Variants in MACROD1 observed in about 807,000 individuals in gnomAD.
The protein encoded by MACROD1 is mono-ADP ribosylhydrolase 1.
Under a neutral mutation model 41.4 loss-of-function variants are expected in MACROD1, and 31 were observed. The ratio of observed to expected loss-of-function variants is 0.75; its 90% CI spans 0.56 to 1.01. The LOEUF is 1.01. Ranked by LOEUF, MACROD1 falls within the 50% of genes least tolerant of loss-of-function variation. The probability of loss-of-function intolerance (pLI) is 0.00; values close to 1 mark genes in which losing one functional copy is unlikely to be tolerated. For missense variants in MACROD1, 473 were observed against 460.0 expected, an observed-to-expected ratio of 1.03 and a Z score of -0.26; for synonymous variants, 252 against 203.4, an observed-to-expected ratio of 1.24 and a Z score of -2.03.
chr11:64,149,496 T>G (rs2622414), intron 3 of MACROD1, among the ~76,000 whole-genome samples: 2 of 152,164 alleles, frequency 1.3e-5, no homozygotes, highest in Non-Finnish European at 2.9e-5. Flanking sequence ...TAGGAAGCAG[T>G]GTTAATCACG....
intron 4 of MACROD1, among the ~76,000 whole-genome samples, chr11:64,013,297 C>T (rs1009717079): frequency 6.6e-6 from 1 of 151,884 alleles, no homozygotes; most frequent in Admixed American, 6.6e-5. Context: ...CAGCATGGGG[C>T]AGGGGAGGCA....
Position 64,090,527 on chromosome 11 carries a change from G to A in MACROD1, c.517+60712C>T, listed in dbSNP as rs527786345. Among the ~76,000 whole-genome samples the A allele has an allele frequency of 5.9e-5, 9 of 152,232 alleles. No homozygotes were observed. The highest frequency in any genetic ancestry group is 1.4e-4 in the African/African-American group (6 of 41,532). ...CATTTGCTTCCCCGGGCCCTCCCTC[G>A]ACCGGCTCTGCCTGCTCACAGGTGG... is the stretch of plus-strand genomic sequence containing the variant. On this transcript the variant is annotated intron_variant, in intron 3 of 10. Coordinates refer to ENST00000255681, the MANE Select transcript of MACROD1 (RefSeq NM_014067.4). This position sits in a 1 kb window ranked among gnomAD's most constrained non-coding sequence, Gnocchi z 4.7.
chr11:64,044,616 G>A (rs1943550087), intron 3 of MACROD1, among the ~76,000 whole-genome samples: 1 of 152,164 alleles, frequency 6.6e-6, no homozygotes, highest in Non-Finnish European at 1.5e-5. Flanking sequence ...GAGTGGCAAA[G>A]TCACTTGCCC....
chr11:64,001,120 C>T, intron 4 of MACROD1: 2 of 381,232 alleles, frequency 5.2e-6, no homozygotes, highest in Admixed American at 4.3e-5. Flanking sequence ...GATAAACAAC[C>T]GGGGCGCAGC....
chr11:64,145,468 A>C (rs940998317), intron 3 of MACROD1, among the ~76,000 whole-genome samples: 7 of 152,118 alleles, frequency 4.6e-5, no homozygotes, highest in African/African-American at 1.7e-4. Context: ...CCCTGGGCCC[A>C]GGGCTGGACA....
chr11:64,142,669 C>T (rs1945430195), intron 3 of MACROD1, among the ~76,000 whole-genome samples: 1 of 152,214 alleles, frequency 6.6e-6, no homozygotes, highest in Non-Finnish European at 1.5e-5. Flanking sequence ...AGCCGCCCTC[C>T]TCTTGCACTG....
In MACROD1 at chr11:64,051,429, G is replaced by A. The variant is rs963562112; in HGVS notation, c.518-36148C>T. Among the ~76,000 whole-genome samples the A allele has an allele frequency of 5.3e-5, 8 of 152,182 alleles. No homozygotes were observed. The East Asian group carries it at 5.8e-4, about 11-fold the overall frequency. On this transcript the variant is annotated intron_variant, in intron 3 of 10. Coordinates refer to ENST00000255681, the MANE Select transcript of MACROD1 (RefSeq NM_014067.4). ...GACACTCAGTGGTGACAGTGATGGC[G>A]GACCCACCCTCCCCAGGGTGGCACT...
At chr11:64,078,319 G>A (rs181290614) in intron 3 of MACROD1, among the ~76,000 whole-genome samples, 127 of 152,326 alleles carry the variant, frequency 8.3e-4, no homozygotes, top group African/African-American at 3.0e-3. Context: ...CTGGACCCCT[G>A]CCTGCAGGCC....
At chr11:64,104,106 C>T (rs1294345519) in intron 3 of MACROD1, 2 of 152,268 alleles carry the variant, frequency 1.3e-5, no homozygotes, top group Non-Finnish European at 2.9e-5. Context: ...GTCGCGGCTT[C>T]GTGACTTTGG....
intron 3 of MACROD1, among the ~76,000 whole-genome samples, chr11:64,068,256 A>G (rs1249197413): frequency 1.3e-5 from 2 of 152,214 alleles, no homozygotes; most frequent in Admixed American, 6.5e-5. Flanking sequence ...CTTCAGTCCC[A>G]GGCATTGGGG....
At chr11:64,095,207 GTCTC>G (rs1302697785) in intron 3 of MACROD1, among the ~76,000 whole-genome samples, 1 of 152,160 alleles carries the variant, frequency 6.6e-6, no homozygotes, top group Non-Finnish European at 1.5e-5. Context: ...ATTTAAAATA[GTCTC>G]TCTTTTTCCC....
intron 4 of MACROD1, among the ~76,000 whole-genome samples, chr11:64,007,326 GC>G: frequency 6.6e-6 from 1 of 152,350 alleles, no homozygotes; most frequent in Middle Eastern, 3.4e-3. Flanking sequence ...AATGGAGCTG[GC>G]CCCGAGGAAG....
At chr11:64,055,708 T>C (rs979062871) in intron 3 of MACROD1, among the ~76,000 whole-genome samples, 9 of 152,092 alleles carry the variant, frequency 5.9e-5, no homozygotes, top group Non-Finnish European at 1.2e-4. Flanking sequence ...GATGGATGGA[T>C]GGATGGATGA....
intron 3 of MACROD1, among the ~76,000 whole-genome samples, chr11:64,056,311 T>G (rs1359452291): frequency 6.6e-6 from 1 of 152,080 alleles, no homozygotes; most frequent in Admixed American, 6.5e-5. Context: ...CCTACACGTT[T>G]TGCTTCCTGC....
intron 3 of MACROD1, among the ~76,000 whole-genome samples, chr11:64,063,746 C>T (rs182768275): frequency 2.0e-4 from 30 of 152,306 alleles, no homozygotes; most frequent in Non-Finnish European, 2.8e-4. Context: ...GGCAGCCACG[C>T]GGTCCTCGCC....
At position 64,082,983 on chromosome 11, in the gene MACROD1, G is replaced by A. The variant is rs1020167075; in HGVS notation, c.518-67702C>T. The stretch of plus-strand genomic sequence containing the variant: ...GCCGTGTGCCATTGGCACCTCCTGT[G>A]TGCCAAGTGCTGGCTTAGTCTCCCC... On this transcript the variant is annotated intron_variant, in intron 3 of 10. Transcript: ENST00000255681. The surrounding 1 kb of genome is among the most constrained non-coding windows in gnomAD (Gnocchi z 4.5). The A allele has an allele frequency of 9.2e-5, 14 of 152,526 alleles. No homozygotes were observed. The highest frequency in any genetic ancestry group is 3.1e-4 in the African/African-American group (13 of 41,552). The allele number at this position is 152,526 out of a possible 1,614,324, so 9.4% of individuals were successfully genotyped here.
At chr11:64,092,913 G>A (rs1342857624) in intron 3 of MACROD1, among the ~76,000 whole-genome samples, 1 of 152,248 alleles carries the variant, frequency 6.6e-6, no homozygotes, top group African/African-American at 2.4e-5. Flanking sequence ...CTTTGCCGCA[G>A]GACTTCTCAG....
chr11:64,077,632 T>C (rs1376258105), intron 3 of MACROD1, among the ~76,000 whole-genome samples: 1 of 151,912 alleles, frequency 6.6e-6, no homozygotes, highest in African/African-American at 2.4e-5. Context: ...ACAGAACTCA[T>C]AGATGGACGC....
chr11:64,057,396 G>A (rs1943809451), intron 3 of MACROD1, among the ~76,000 whole-genome samples: 2 of 152,208 alleles, frequency 1.3e-5, no homozygotes, highest in African/African-American at 2.4e-5. Context: ...AAAACCTCAT[G>A]GGGAGTGACC....
Sources: allele counts gnomAD v4.1 joint callset (sites outside exome capture counted in the v4.1 genomes callset), GRCh38; gene constraint gnomAD v4.1.1; non-coding constraint Gnocchi (gnomAD v3.1); transcripts MANE v1.5; gene names NCBI Gene and HGNC (gene_info 2026-07-23, HGNC 2026-07-21).